SLBP: variants seen among roughly 807,000 people sequenced by gnomAD.
SLBP encodes the protein histone RNA hairpin-binding protein.
SLBP carries 29 observed loss-of-function variants against 39.2 expected under a neutral mutation model. That is an observed-to-expected ratio of 0.74 (90% CI 0.55 to 1.01). SLBP has a LOEUF of 1.01. Ranked by LOEUF, SLBP falls within the 50% of genes least tolerant of loss-of-function variation. The pLI is 0.00. For synonymous variants in SLBP, 129 were observed against 118.7 expected, an observed-to-expected ratio of 1.09 and a Z score of -0.57; for missense variants, 390 against 350.2, an observed-to-expected ratio of 1.11 and a Z score of -0.91.
chr4:1,700,799 A>C (rs1716296420), intron 3 of SLBP, among the ~76,000 whole-genome samples: 1 of 152,122 alleles, frequency 6.6e-6, no homozygotes, highest in Non-Finnish European at 1.5e-5. Context: ...TCCTGAGCTC[A>C]AGCAATCCTC....
In SLBP at chr4:1,693,604, A is replaced by AT; in HGVS notation, c.805dup (p.Met269AsnfsTer39). ...CTGGCCGCCAGGGGGCAGTTAGCTCATGGCTGAGAAGTCTCTCAAGGGTTC... is the reference window on the plus strand; with the variant it reads ...CTGGCCGCCAGGGGGCAGTTAGCTCATTGGCTGAGAAGTCTCTCAAGGGTTC... On this transcript the variant is annotated frameshift_variant, in exon 8 of 8. Transcript: ENST00000489418. LOFTEE classifies it high-confidence loss of function. The AT allele has an allele frequency of 1.9e-6, 3 of 1,606,344 alleles. No individual in the cohort carries two copies. Among genetic ancestry groups the AT allele is most frequent in the Non-Finnish European group, 2.6e-6 (3 of 1,172,900 alleles).
At chr4:1,695,745 C>T (rs1201798202) in intron 6 of SLBP, among the ~76,000 whole-genome samples, 1 of 151,792 alleles carries the variant, frequency 6.6e-6, no homozygotes, top group Non-Finnish European at 1.5e-5. Context: ...CACGCCACTG[C>T]ACTCCAGCCT....
At chr4:1,696,491 C>A in intron 5 of SLBP, 140 bp from the exon 6 acceptor site, 1 of 716,612 alleles carries the variant, frequency 1.4e-6, no homozygotes, top group Non-Finnish European at 2.1e-6. Context: ...GCCTGTAATC[C>A]TAGCATTTTG....
chr4:1,704,894 G>A (rs1716461366), intron 2 of SLBP, among the ~76,000 whole-genome samples: 1 of 151,784 alleles, frequency 6.6e-6, no homozygotes, highest in African/African-American at 2.4e-5. Flanking sequence ...CTTGCCAAAT[G>A]TCTGCCTCCT....
At chr4:1,704,053 G>A (rs987907856) in intron 2 of SLBP, among the ~76,000 whole-genome samples, 5 of 152,012 alleles carry the variant, frequency 3.3e-5, no homozygotes, top group African/African-American at 7.2e-5. Context: ...TAGAGCAGAA[G>A]TCATGGAGCT....
chr4:1,706,430 T>C (rs1716519892), intron 2 of SLBP, among the ~76,000 whole-genome samples: 1 of 152,254 alleles, frequency 6.6e-6, no homozygotes, highest in African/African-American at 2.4e-5. Context: ...CTCCGTCTAC[T>C]GGCAAAGTAC....
intron 5 of SLBP, among the ~76,000 whole-genome samples, chr4:1,697,558 G>A (rs763651296): frequency 3.3e-5 from 5 of 149,760 alleles, no homozygotes; most frequent in South Asian, 2.1e-4. Context: ...AGCACTATCC[G>A]GGCCGGGTGC....
chr4:1,698,854 G>A (rs1389292356), intron 5 of SLBP, among the ~76,000 whole-genome samples: 1 of 151,892 alleles, frequency 6.6e-6, no homozygotes, highest in African/African-American at 2.4e-5. Flanking sequence ...GCAGTGGTGT[G>A]ATTAATGGTT....
intron 2 of SLBP, among the ~76,000 whole-genome samples, chr4:1,704,959 C>T (rs1397842324): frequency 6.6e-6 from 1 of 151,852 alleles, no homozygotes; most frequent in Non-Finnish European, 1.5e-5. Flanking sequence ...CGGAGTCTCA[C>T]TCTTGTTGCC....
chr4:1,703,971 T>C (rs1716426343), intron 2 of SLBP, among the ~76,000 whole-genome samples: 1 of 152,140 alleles, frequency 6.6e-6, no homozygotes, highest in African/African-American at 2.4e-5. Flanking sequence ...AACTGGAGTT[T>C]AGCAGGACAA....
Position 1,712,264 on chromosome 4 carries a change from GC to G in SLBP, c.-77del. On this transcript the variant is annotated 5_prime_UTR_variant, in exon 1 of 8. Transcript: ENST00000489418. ...GCGCGGGCAGAGAGCGCAGAGTAGA[GC>G]AGGGCAGGGCCTGAGGCAGAAACCC... 1 of 926,738 alleles carries G rather than the reference GC, an allele frequency of 1.1e-6. No homozygotes were observed. The allele number at this position is 926,738 out of a possible 1,614,324, so 57.4% of individuals were successfully genotyped here. A position where few individuals can be genotyped will look rare whatever the true frequency, so the allele number is the denominator to read the frequency against.
rs1716792585 is a variant in SLBP at position 1,711,928 on chromosome 4, C to T, written c.122G>A (p.Arg41Lys). 3 of 1,356,066 alleles carry T rather than the reference C, an allele frequency of 2.2e-6. No individual in the cohort carries two copies. The South Asian group carries it at 5.1e-5, about 23-fold the overall frequency. The allele number at this position is 1,356,066 out of a possible 1,614,324, so 84.0% of individuals were successfully genotyped here. ...CTCTGCCTCCTCGGCGTCTTCGGGCCTCCAGCGCCTGCCGTCGGCTCTGCG... is the reference window on the plus strand; with the variant it reads ...CTCTGCCTCCTCGGCGTCTTCGGGCTTCCAGCGCCTGCCGTCGGCTCTGCG... Reference protein sequence around the residue: ...RKRRADGRRWRPEDAEEAEHR... With the variant: ...RKRRADGRRWKPEDAEEAEHR... The change falls in exon 2 of 8, where the codon AGG becomes AAG. Residue 41 changes from arginine (R) to lysine (K), a missense_variant. By Grantham distance (26) the Arg-to-Lys change is conservative. Coordinates refer to ENST00000489418, the MANE Select transcript of SLBP (RefSeq NM_006527.4).
At chr4:1,694,691 C>T (rs1362388080) in intron 7 of SLBP, 83 bp downstream of exon 7, 3 of 1,059,870 alleles carry the variant, frequency 2.8e-6, no homozygotes, top group Non-Finnish European at 4.4e-6. Context: ...GTGCCCAGTC[C>T]AAACTTCAGT....
At chr4:1,696,463 C>A (rs746494290) in intron 5 of SLBP, 112 bp from the exon 6 acceptor site, 5 of 902,476 alleles carry the variant, frequency 5.5e-6, no homozygotes, top group Non-Finnish European at 7.9e-6. Flanking sequence ...TTACAGATCA[C>A]CAGGCATGGT....
chr4:1,694,398 T>C (rs1035423436), intron 7 of SLBP, among the ~76,000 whole-genome samples: 1 of 142,324 alleles, frequency 7.0e-6, no homozygotes, highest in African/African-American at 2.6e-5. Flanking sequence ...TTTTCTTTCT[T>C]TTTTTTTTTT....
At chr4:1,703,510 AACCACTG>A in intron 3 of SLBP, 79 bp downstream of exon 3, 1 of 893,192 alleles carries the variant, frequency 1.1e-6, no homozygotes, top group South Asian at 1.3e-5. Flanking sequence ...GACCTTTGAA[AACCACTG>A]TTCTAAGACA....
In SLBP at chr4:1,712,319, T is replaced by C. The variant is rs1002811162; in HGVS notation, c.-131A>G. 23 of 501,048 alleles carry C rather than the reference T, an allele frequency of 4.6e-5. No homozygotes were observed. The highest frequency in any genetic ancestry group is 7.0e-5 in the Non-Finnish European group (22 of 314,776). The allele number at this position is 501,048 out of a possible 1,614,324, so 31.0% of individuals were successfully genotyped here. ...TCCCCGCGCCGGCGCTCACGAGCTCTGCGCGCCCCGCCCCCAACCGCCTTT... is the reference window on the plus strand; with the variant it reads ...TCCCCGCGCCGGCGCTCACGAGCTCCGCGCGCCCCGCCCCCAACCGCCTTT... On this transcript the variant is annotated 5_prime_UTR_variant, in exon 1 of 8. Coordinates refer to ENST00000489418, the MANE Select transcript of SLBP (RefSeq NM_006527.4).
At chr4:1,708,131 T>C (rs2108664450) in intron 2 of SLBP, among the ~76,000 whole-genome samples, 1 of 150,180 alleles carries the variant, frequency 6.7e-6, no homozygotes. Context: ...CGCATGCCTG[T>C]AGTCCCAGCT....
At chr4:1,711,732 C>G (rs1247768347) in intron 2 of SLBP, 142 bp downstream of exon 2, 1 of 421,778 alleles carries the variant, frequency 2.4e-6, no homozygotes, top group Non-Finnish European at 4.0e-6. Flanking sequence ...CCCCAGTCCA[C>G]GGGCCGCGCG....
Sources: allele counts gnomAD v4.1 joint callset (sites outside exome capture counted in the v4.1 genomes callset), GRCh38; gene constraint gnomAD v4.1.1; transcripts MANE v1.5; gene names NCBI Gene and HGNC (gene_info 2026-07-23, HGNC 2026-07-21).